Variants in PYGL observed in about 807,000 individuals in gnomAD.
The protein encoded by PYGL is glycogen phosphorylase L, also known as glycogen phosphorylase, liver form.
PYGL carries 90 observed loss-of-function variants against 100.1 expected under a neutral mutation model. That is an observed-to-expected ratio of 0.90 (90% CI 0.76 to 1.07). The LOEUF (loss-of-function observed/expected upper bound fraction) is 1.07, where lower values mean the gene tolerates loss of function less well. Among genes scored for constraint, PYGL ranks in the 50% least tolerant of loss-of-function variants. PYGL has a pLI of 0.00. For synonymous variants in PYGL, 373 were observed against 393.0 expected (o/e 0.95, Z 0.60); for missense variants, 1,016 against 1,057.6 (o/e 0.96, Z 0.55).
At chr14:50,916,122 C>A (rs888219332) in intron 9 of PYGL, 151 bp from the exon 10 acceptor site, 12 of 1,098,436 alleles carry the variant, frequency 1.1e-5, no homozygotes, top group African/African-American at 3.1e-5. Context: ...CCTGAATAGT[C>A]CAGATAATAG....
At position 50,912,143 on chromosome 14, in the gene PYGL, A is replaced by C; in HGVS notation, c.1768+13T>G. ...ACCTGCAAGGGGGCTTGTTGGCTAC[A>C]GGGCTGACTCACGGTTGTACATCGT... On this transcript the variant is annotated intron_variant, in intron 14 of 19. Transcript: ENST00000216392. The C allele has an allele frequency of 6.2e-7, 1 of 1,614,258 alleles. No individual in the cohort carries two copies. The highest frequency in any genetic ancestry group is 1.1e-5 in the South Asian group (1 of 91,090).
Position 50,916,668 on chromosome 14 carries a change from C to A in PYGL, c.1066G>T (p.Asp356Tyr). 6.2e-7 allele frequency: 1 copy of A among 1,614,092 alleles called. No homozygotes were observed. Among genetic ancestry groups the A allele is most frequent in the South Asian group, 1.1e-5 (1 of 91,084 alleles). Residue 356 changes from aspartate (D) to tyrosine (Y), a missense_variant, in exon 9 of 20, where the codon GAT (aspartate) becomes TAT (tyrosine). Asp to Tyr is a radical substitution (Grantham distance 160, BLOSUM62 -3). Transcript: ENST00000216392. ...TTGGACCAGGGCAGTTTTTCAATAT[C>A]CACAAAAATCCTCATCAGCTCAGGG... Reference protein sequence around the residue: ...AIPELMRIFVDIEKLPWSKAW... With the variant: ...AIPELMRIFVYIEKLPWSKAW...
chr14:50,915,795 G>T, intron 10 of PYGL, 30 bp downstream of exon 10: 1 of 1,605,906 alleles, frequency 6.2e-7, no homozygotes, highest in South Asian at 1.1e-5. Flanking sequence ...TTATGCTCAT[G>T]AACAGAGAAA....
chr14:50,911,814 C>A lies in PYGL; in HGVS notation c.1885G>T (p.Asp629Tyr), dbSNP rs1064796663. ...ACCATAGGGTCATTGTTCACCACATCTGCCACTGAAGTGATCAGCTTTATG... is the reference window on the plus strand; with the variant it reads ...ACCATAGGGTCATTGTTCACCACATATGCCACTGAAGTGATCAGCTTTATG... ...MIIKLITSVADVVNNDPMVGS... is the reference protein window; with the variant it reads ...MIIKLITSVAYVVNNDPMVGS... The change falls in exon 16 of 20, where the codon GAT (aspartate) becomes TAT (tyrosine). Residue 629 changes from aspartate to tyrosine, a missense_variant. Asp to Tyr is a radical substitution (Grantham distance 160, BLOSUM62 -3). Transcript: ENST00000216392. 11 of 1,614,186 alleles carry A rather than the reference C, an allele frequency of 6.8e-6. No homozygotes were observed. In the Middle Eastern group the frequency reaches 8.2e-4, roughly 121 times the overall value.
In PYGL at chr14:50,915,232, T is replaced by A. The variant is rs2075646; in HGVS notation, c.1403+104A>T. On this transcript the variant is annotated intron_variant, in intron 11 of 19. Transcript: ENST00000216392. Reference sequence around the variant, plus strand: ...TATAGAAGAAAATACTTTTAAACATTTGAACAAGGCCTTTCCTCATCCCTA... The same window carrying A: ...TATAGAAGAAAATACTTTTAAACATATGAACAAGGCCTTTCCTCATCCCTA... 263,559 of 1,369,352 alleles carry A rather than the reference T, an allele frequency of 0.19. 30,088 individuals are homozygous for A. Among genetic ancestry groups the A allele is most frequent in the East Asian group, 0.43 (18,530 of 43,552 alleles). The allele number at this position is 1,369,352 out of a possible 1,614,324, so 84.8% of individuals were successfully genotyped here. A position where few individuals can be genotyped will look rare whatever the true frequency, so the allele number is the denominator to read the frequency against.
chr14:50,931,823 C>A, intron 3 of PYGL, 47 bp from the exon 4 acceptor site: 1 of 1,508,124 alleles, frequency 6.6e-7, no homozygotes, highest in African/African-American at 1.4e-5. Context: ...TTAAGCTGAG[C>A]CAAAATTTCC....
Position 50,909,917 on chromosome 14 carries a change from C to T in PYGL, c.2155G>A (p.Val719Met), listed in dbSNP as rs745945278. 6 of 1,614,230 alleles carry T rather than the reference C, an allele frequency of 3.7e-6. No individual in the cohort carries two copies. In the Admixed American group the frequency reaches 8.3e-5, roughly 22 times the overall value. The change falls in exon 17 of 20, where the codon GTG (valine) becomes ATG (methionine). Residue 719 changes from valine to methionine, a missense_variant. Val to Met is a conservative substitution (Grantham distance 21). Transcript: ENST00000216392. ...TACCCTTTCTTGTCCAAAGCAGCCA[C>T]ATCATCTATCCTCATGCCAAAGATG... ...LFIFGMRIDD[V>M]AALDKKGYEA... is the part of the protein sequence containing the mutation.
Position 50,915,178 on chromosome 14 carries a change from C to CT in PYGL, c.1403+157dup, listed in dbSNP as rs71121612. The CT allele has an allele frequency of 0.19, 142,834 of 742,246 alleles. 4,513 individuals carry two copies. The highest frequency in any genetic ancestry group is 0.4 in the African/African-American group (21,411 of 53,614). 46.0% of individuals were successfully genotyped at this position (742,246 alleles called of 1,614,324 possible). A position where few individuals can be genotyped will look rare whatever the true frequency, so the allele number is the denominator to read the frequency against. On this transcript the variant is annotated intron_variant, in intron 11 of 19. Transcript: ENST00000216392. The stretch of plus-strand genomic sequence containing the variant: ...GCATTCTTTTCTTTCCTTTTCTTTT[C>CT]TTTTTTTTTTTTAGGCAAGAGTTTT...
intron 2 of PYGL, among the ~76,000 whole-genome samples, chr14:50,935,815 T>A (rs1213636317): frequency 6.6e-6 from 1 of 152,230 alleles, no homozygotes; most frequent in Non-Finnish European, 1.5e-5. Context: ...AACCAGTTAG[T>A]GGGTTACTGC....
intron 4 of PYGL, among the ~76,000 whole-genome samples, chr14:50,926,322 C>T (rs1020567889): frequency 1.3e-5 from 2 of 151,184 alleles, no homozygotes; most frequent in South Asian, 2.1e-4. Flanking sequence ...CTGTACTCCA[C>T]CCTGGGTGAC....
intron 7 of PYGL, among the ~76,000 whole-genome samples, chr14:50,917,321 A>G (rs1053543353): frequency 6.6e-6 from 1 of 152,206 alleles, no homozygotes; most frequent in East Asian, 1.9e-4. Context: ...GATAAAAGAT[A>G]AAGAGGTTGG....
Position 50,924,105 on chromosome 14 carries a change from A to G in PYGL, c.529-5T>C. On this transcript the variant is annotated splice_polypyrimidine_tract_variant and splice_region_variant and intron_variant, in intron 4 of 19. Coordinates refer to ENST00000216392, the MANE Select transcript of PYGL (RefSeq NM_002863.5). Reference sequence around the variant, plus strand: ...CCAATCATCTGCTTCTTCTACCTGCAAAAGGATACAGTATTGCTTAGAATT... The same window carrying G: ...CCAATCATCTGCTTCTTCTACCTGCGAAAGGATACAGTATTGCTTAGAATT... 1 of 1,613,270 alleles carries G rather than the reference A, an allele frequency of 6.2e-7. No homozygotes were observed. Among genetic ancestry groups the G allele is most frequent in the Non-Finnish European group, 8.5e-7 (1 of 1,179,360 alleles).
chr14:50,927,408 A>C (rs2050560696), intron 4 of PYGL, among the ~76,000 whole-genome samples: 1 of 152,110 alleles, frequency 6.6e-6, no homozygotes, highest in Non-Finnish European at 1.5e-5. Context: ...TATTTTTAGT[A>C]GAGACGGGGT....
chr14:50,914,667 C>T, intron 12 of PYGL, 34 bp downstream of exon 12: 1 of 1,536,764 alleles, frequency 6.5e-7, no homozygotes, highest in Non-Finnish European at 9.0e-7. Flanking sequence ...GCATTCGAGT[C>T]AGGCCTCCTT....
chr14:50,943,151 C>T (rs1404414414), intron 1 of PYGL, among the ~76,000 whole-genome samples: 1 of 151,940 alleles, frequency 6.6e-6, no homozygotes, highest in African/African-American at 2.4e-5. Context: ...ATATATTTCC[C>T]ACTGCCCCTG....
In PYGL at chr14:50,920,944, TG is replaced by T; in HGVS notation, c.772+11del. 2 of 1,599,576 alleles carry T rather than the reference TG, an allele frequency of 1.3e-6. No individual in the cohort carries two copies. Among genetic ancestry groups the T allele is most frequent in the Non-Finnish European group, 1.7e-6 (2 of 1,166,758 alleles). On this transcript the variant is annotated intron_variant, in intron 6 of 19. Transcript: ENST00000216392. Reference sequence around the variant, plus strand: ...ACACGCATAAAGAAACCAAGGCCTGTGCTGTACTCACAGTCTCTGAGGTTAA... The same window carrying T: ...ACACGCATAAAGAAACCAAGGCCTGTCTGTACTCACAGTCTCTGAGGTTAA...
chr14:50,908,145 T>C (rs1233510431), intron 19 of PYGL, 126 bp downstream of exon 19: 1 of 719,598 alleles, frequency 1.4e-6, no homozygotes, highest in Non-Finnish European at 2.3e-6. Context: ...TGTTGTTTTT[T>C]TTTTGATTGC....
chr14:50,919,801 C>G (rs2050484311), intron 7 of PYGL, among the ~76,000 whole-genome samples: 1 of 152,070 alleles, frequency 6.6e-6, no homozygotes, highest in African/African-American at 2.4e-5. Flanking sequence ...CCTGCCTCAG[C>G]CTCTCCAGTA....
chr14:50,924,445 G>T (rs1014394902), intron 4 of PYGL, among the ~76,000 whole-genome samples: 3 of 152,118 alleles, frequency 2.0e-5, no homozygotes, highest in African/African-American at 7.2e-5. Context: ...CTGTCTTAAC[G>T]TCTGTGAATC....
Sources: gnomAD v4.1 joint callset for allele counts (sites outside exome capture counted in the v4.1 genomes callset) on GRCh38, gnomAD v4.1.1 for gene constraint, MANE v1.5 for transcripts, NCBI Gene and HGNC (gene_info 2026-07-23, HGNC 2026-07-21) for gene names.